The following XPO4 variants were observed in gnomAD, a reference collection of about 807,000 sequenced individuals.
XPO4 encodes the protein exportin 4.
A neutral mutation model predicts 143.0 loss-of-function variants in XPO4; 39 were observed. The ratio of observed to expected loss-of-function variants is 0.27; its 90% CI spans 0.21 to 0.36. The LOEUF (loss-of-function observed/expected upper bound fraction) is 0.36, where lower values mean the gene tolerates loss of function less well. XPO4 is among the 10% of genes least tolerant of loss of function. XPO4 has a pLI of 1.00. For missense variants in XPO4, 907 were observed against 1,348.0 expected (o/e 0.67, Z 5.12); for synonymous variants, 439 against 474.0 (o/e 0.93, Z 0.96).
At chr13:20,838,479 G>A (rs747250789) in intron 6 of XPO4, among the ~76,000 whole-genome samples, 57 of 151,762 alleles carry the variant, frequency 3.8e-4, no homozygotes, top group Non-Finnish European at 5.3e-4. Flanking sequence ...GCGTGGTGGC[G>A]GGCACCTGTG....
chr13:20,888,836 C>T (rs1199272420), intron 1 of XPO4, among the ~76,000 whole-genome samples: 8 of 150,536 alleles, frequency 5.3e-5, no homozygotes, highest in Admixed American at 4.6e-4. Context: ...CAGTTTCGCT[C>T]TTGTTGCCCA....
chr13:20,856,475 G>C (rs1371361056), intron 3 of XPO4: 1 of 493,298 alleles, frequency 2.0e-6, no homozygotes, highest in Non-Finnish European at 2.6e-6. Context: ...TGAAAGATAA[G>C]GATCAGAAAA....
intron 6 of XPO4, among the ~76,000 whole-genome samples, chr13:20,831,714 T>TAA (rs557659208): frequency 2.0e-5 from 3 of 151,328 alleles, no homozygotes; most frequent in Non-Finnish European, 4.4e-5. Flanking sequence ...CCCTTTATCT[T>TAA]AAAAAAAATC....
intron 1 of XPO4, among the ~76,000 whole-genome samples, chr13:20,890,379 G>A (rs1263853335): frequency 1.3e-5 from 2 of 152,086 alleles, no homozygotes; most frequent in Non-Finnish European, 2.9e-5. Context: ...GAGCCCAGGA[G>A]GTGGAGGTTG....
intron 18 of XPO4, 38 bp from the exon 19 acceptor site, chr13:20,790,618 A>G (rs2059267830): frequency 6.6e-7 from 1 of 1,508,000 alleles, no homozygotes; most frequent in East Asian, 2.3e-5. Flanking sequence ...TGGTGGTAAC[A>G]TCAATAAATC....
intron 6 of XPO4, among the ~76,000 whole-genome samples, chr13:20,837,252 G>A (rs1485346882): frequency 6.6e-6 from 1 of 152,136 alleles, no homozygotes; most frequent in Non-Finnish European, 1.5e-5. Context: ...AGCAGCATCC[G>A]TAGCCTCAAC....
Position 20,788,629 on chromosome 13 carries a change from T to C in XPO4, c.2917-13A>G, listed in dbSNP as rs772831553. 6.3e-6 allele frequency: 10 copies of C among 1,577,958 alleles called. No homozygotes were observed. The East Asian group carries it at 2.3e-4, about 36-fold the overall frequency. ...AAAGGGTTGGAAACTGAAAAAGAAA[T>C]ATTCAATTATTTGGATGCTCATTAG... On this transcript the variant is annotated splice_polypyrimidine_tract_variant and intron_variant, in intron 19 of 22. Transcript: ENST00000255305.
intron 2 of XPO4, among the ~76,000 whole-genome samples, chr13:20,864,113 T>A (rs528382770): frequency 9.2e-5 from 14 of 152,112 alleles, no homozygotes; most frequent in South Asian, 4.1e-4. Flanking sequence ...ATTGAGATGA[T>A]AATCAGAATT....
At chr13:20,846,180 T>C (rs1006299986) in intron 4 of XPO4, among the ~76,000 whole-genome samples, 5 of 152,214 alleles carry the variant, frequency 3.3e-5, no homozygotes, top group African/African-American at 1.2e-4. Flanking sequence ...TCTTACTGCA[T>C]TCACCACAAA....
intron 3 of XPO4, chr13:20,857,019 AGATGAATAAATATG>A: frequency 2.6e-6 from 1 of 383,342 alleles, no homozygotes; most frequent in Non-Finnish European, 3.6e-6. Context: ...ATATTTATAC[AGATGAATAAATATG>A]TCTCCCTATC....
intron 1 of XPO4, among the ~76,000 whole-genome samples, chr13:20,900,893 T>C (rs1033979401): frequency 2.0e-5 from 3 of 152,202 alleles, no homozygotes; most frequent in Admixed American, 1.3e-4. Context: ...ATTACAGGAA[T>C]GAGCCACCGC....
intron 3 of XPO4, chr13:20,858,045 A>G: frequency 1.1e-6 from 1 of 898,692 alleles, no homozygotes; most frequent in Non-Finnish European, 1.3e-6. Context: ...TCCACACTGT[A>G]GGGCATTCTA....
chr13:20,787,413 A>G (rs2059220064), intron 21 of XPO4, 68 bp downstream of exon 21: 2 of 1,404,816 alleles, frequency 1.4e-6, no homozygotes, highest in East Asian at 2.3e-5. Context: ...ATTTGAATGC[A>G]GAATTATGTG....
At position 20,787,742 on chromosome 13, in the gene XPO4, G is replaced by A. The variant is rs2059224761; in HGVS notation, c.3048-144C>T. Reference sequence around the variant, plus strand: ...TAGACTCATGGGCAATATCTTCACTGAGTTATATAAGGAAAGAAGATTTCC... The same window carrying A: ...TAGACTCATGGGCAATATCTTCACTAAGTTATATAAGGAAAGAAGATTTCC... On this transcript the variant is annotated intron_variant, in intron 20 of 22. Transcript: ENST00000255305. 7 of 651,900 alleles carry A rather than the reference G, an allele frequency of 1.1e-5. No individual in the cohort carries two copies. In the South Asian group the frequency reaches 1.5e-4, roughly 14 times the overall value. The allele number at this position is 651,900 out of a possible 1,614,324, so 40.4% of individuals were successfully genotyped here. A position where few individuals can be genotyped will look rare whatever the true frequency, so the allele number is the denominator to read the frequency against.
chr13:20,815,728 A>C (rs2059641560), intron 9 of XPO4, among the ~76,000 whole-genome samples: 1 of 152,234 alleles, frequency 6.6e-6, no homozygotes. Context: ...GAATATGGGC[A>C]ATTCATTTTC....
intron 6 of XPO4, among the ~76,000 whole-genome samples, chr13:20,840,000 T>A (rs1034997207): frequency 6.6e-6 from 1 of 150,952 alleles, no homozygotes; most frequent in Non-Finnish European, 1.5e-5. Flanking sequence ...AATAAATAAA[T>A]AAAAATAAAA....
intron 4 of XPO4, chr13:20,851,711 C>CAAAAAAAAAAAAAAAA (rs11340357): frequency 1.2e-5 from 8 of 681,830 alleles, no homozygotes; most frequent in Admixed American, 8.9e-5. Context: ...CCCGGTCTCA[C>CAAAAAAAAAAAAAAAA]AAAAAAAAAA....
At chr13:20,834,970 A>C (rs552441060) in intron 6 of XPO4, among the ~76,000 whole-genome samples, 5 of 152,240 alleles carry the variant, frequency 3.3e-5, no homozygotes, top group Non-Finnish European at 5.9e-5. Flanking sequence ...TATAAATAAT[A>C]ATTTTTAAAA....
In XPO4 at chr13:20,800,233, G is replaced by C. The variant is rs868711980; in HGVS notation, c.2070C>G (p.Leu690=). The change falls in exon 15 of 23, where the codon CTC becomes CTG. Residue 690 remains leucine, a synonymous_variant. Coordinates refer to ENST00000255305, the MANE Select transcript of XPO4 (RefSeq NM_022459.5). ...GGTCCTGCTCACTACTCCAGACTGA[G>C]AGGTTACTGATGACTTTTTGTAAGA... ...GYLLQKVISN[L]SVWSSEQDLA... is the part of the protein sequence containing the mutation. The C allele has an allele frequency of 1.6e-5, 26 of 1,614,164 alleles. No individual in the cohort carries two copies. In the Middle Eastern group the frequency reaches 3.8e-3, roughly 236 times the overall value.
Sources: allele counts gnomAD v4.1 joint callset (sites outside exome capture counted in the v4.1 genomes callset), GRCh38; gene constraint gnomAD v4.1.1; transcripts MANE v1.5; gene names NCBI Gene and HGNC (gene_info 2026-07-23, HGNC 2026-07-21).